The following ZNF75A variants were observed in gnomAD, a reference collection of about 807,000 sequenced individuals.
The protein encoded by ZNF75A is zinc finger protein 75A.
Under a neutral mutation model 46.3 loss-of-function variants are expected in ZNF75A, and 36 were observed. That is an observed-to-expected ratio of 0.78 (90% CI 0.60 to 1.03). The LOEUF (loss-of-function observed/expected upper bound fraction) is 1.03. Ranked by LOEUF, ZNF75A falls within the 50% of genes least tolerant of loss-of-function variation. The pLI is 0.00. For synonymous variants in ZNF75A, 234 were observed against 189.9 expected (o/e 1.23, Z -1.91); for missense variants, 595 against 551.3 (o/e 1.08, Z -0.79).
intron 2 of ZNF75A, chr16:3,310,850 G>A (rs991463712): frequency 2.0e-6 from 2 of 985,344 alleles, no homozygotes; most frequent in Admixed American, 1.2e-4. Context: ...TGGGAGCCAG[G>A]GTATGAACTT....
intron 1 of ZNF75A, chr16:3,306,376 C>T (rs1960239807): frequency 6.6e-6 from 1 of 152,070 alleles, no homozygotes; most frequent in Non-Finnish European, 1.5e-5. Context: ...ATTTTGTAAA[C>T]AGAGGTCAGC....
intron 5 of ZNF75A, chr16:3,314,984 C>T: frequency 1.0e-6 from 1 of 985,338 alleles, no homozygotes; most frequent in South Asian, 4.7e-5. Context: ...TGATTCTCAA[C>T]TAGATAGTGT....
At position 3,317,448 on chromosome 16, in the gene ZNF75A, G is replaced by A; in HGVS notation, c.1193G>A (p.Arg398Lys). The A allele has an allele frequency of 6.2e-7, 1 of 1,614,158 alleles. No individual in the cohort carries two copies. Among genetic ancestry groups the A allele is most frequent in the Non-Finnish European group, 8.5e-7 (1 of 1,180,022 alleles). Residue 398 changes from arginine to lysine, a missense_variant, in exon 7 of 7, where the codon AGA becomes AAA. Transcript: ENST00000669516. ...GATCGTCACAAGAAAGATTGTGCAAGAGAGAAGCCTTTTAAATGTCAGGAA... is the reference window on the plus strand; with the variant it reads ...GATCGTCACAAGAAAGATTGTGCAAAAGAGAAGCCTTTTAAATGTCAGGAA... ...LMDRHKKDCA[R>K]EKPFKCQECG...
intron 4 of ZNF75A, 50 bp downstream of exon 4, chr16:3,312,818 G>C (rs1009550584): frequency 3.4e-6 from 4 of 1,182,270 alleles, no homozygotes; most frequent in Admixed American, 3.9e-5. Flanking sequence ...TGCTATGTAT[G>C]ATTAATACTG....
intron 3 of ZNF75A, 57 bp from the exon 4 acceptor site, chr16:3,312,620 T>G: frequency 2.5e-6 from 2 of 811,284 alleles, no homozygotes; most frequent in Non-Finnish European, 3.0e-6. Context: ...GTTTTAGAAA[T>G]GAGCTCAGGA....
At position 3,317,488 on chromosome 16, in the gene ZNF75A, C is replaced by T. The variant is rs1194389085; in HGVS notation, c.1233C>T (p.Phe411=). 6.2e-7 allele frequency: 1 copy of T among 1,613,864 alleles called. No homozygotes were observed. Among genetic ancestry groups the T allele is most frequent in the Non-Finnish European group, 8.5e-7 (1 of 1,179,980 alleles). Residue 411 remains phenylalanine, a synonymous_variant, in exon 7 of 7, where the codon TTC becomes TTT. Coordinates refer to ENST00000669516, the MANE Select transcript of ZNF75A (RefSeq NM_001302109.2). ...PFKCQECGKT[F]RVSSDLIKHQ... ...AATGTCAGGAATGTGGGAAAACCTT[C>T]AGAGTTAGCTCTGACCTTATTAAGC...
intron 5 of ZNF75A, chr16:3,315,084 C>A: frequency 1.0e-6 from 1 of 984,862 alleles, no homozygotes; most frequent in East Asian, 1.1e-4. Context: ...AGATCTTGAT[C>A]CCTTCCCTTT....
chr16:3,320,182 A>T (rs899951364), downstream of ZNF75A, among the ~76,000 whole-genome samples: 5 of 152,016 alleles, frequency 3.3e-5, no homozygotes, highest in Non-Finnish European at 7.4e-5. Flanking sequence ...AGTTGCTGGG[A>T]CTACAGGTAC....
chr16:3,310,598 C>A, intron 2 of ZNF75A: 1 of 882,526 alleles, frequency 1.1e-6, no homozygotes, highest in Non-Finnish European at 1.4e-6. Context: ...TGTACCCCAG[C>A]CTGGGTGACA....
At chr16:3,319,787 T>A (rs1041378356), downstream of ZNF75A, among the ~76,000 whole-genome samples, 2 of 128,774 alleles carry the variant, frequency 1.6e-5, no homozygotes, top group Admixed American at 1.6e-4. Context: ...CTTTTCATTT[T>A]TTTTTTTTTA....
chr16:3,314,595 T>G (rs1398460306), intron 5 of ZNF75A, among the ~76,000 whole-genome samples: 2 of 152,216 alleles, frequency 1.3e-5, no homozygotes, highest in African/African-American at 4.8e-5. Context: ...GCTCCTTTTC[T>G]TCTGCCTTCG....
chr16:3,313,328 C>G (rs1295342354), intron 5 of ZNF75A, among the ~76,000 whole-genome samples, 153 bp downstream of exon 5: 1 of 152,160 alleles, frequency 6.6e-6, no homozygotes, highest in African/African-American at 2.4e-5. Flanking sequence ...TCCAGATCAC[C>G]TGTGGAGCTT....
downstream of ZNF75A, chr16:3,323,430 G>A (rs1366322069): frequency 7.9e-6 from 6 of 756,818 alleles, no homozygotes; most frequent in Admixed American, 1.0e-4. Flanking sequence ...TCTGTCAGAG[G>A]GATGGTGTTC....
intron 1 of ZNF75A, chr16:3,307,750 G>GA (rs1389865363): frequency 2.0e-5 from 3 of 150,252 alleles, no homozygotes; most frequent in East Asian, 3.9e-4. Context: ...AGGCTGGTCT[G>GA]AAACTCCTGG....
intron 5 of ZNF75A, among the ~76,000 whole-genome samples, chr16:3,314,355 A>G (rs191694165): frequency 1.3e-5 from 2 of 152,306 alleles, no homozygotes; most frequent in Admixed American, 6.5e-5. Context: ...ACAAACACCA[A>G]AGACTGGACA....
intron 1 of ZNF75A, chr16:3,305,878 C>A (rs1037734883): frequency 6.6e-6 from 1 of 152,252 alleles, no homozygotes; most frequent in Non-Finnish European, 1.5e-5. Flanking sequence ...TTGCCCAGTG[C>A]CCACGGGCAC....
chr16:3,323,446 G>C, downstream of ZNF75A: 1 of 744,078 alleles, frequency 1.3e-6, no homozygotes, highest in Non-Finnish European at 2.4e-6. Flanking sequence ...TGTTCTTATT[G>C]ACCTTGGCTT....
At chr16:3,314,669 C>G in intron 5 of ZNF75A, 1 of 985,344 alleles carries the variant, frequency 1.0e-6, no homozygotes, top group Non-Finnish European at 1.2e-6. Context: ...TAGCACCTGG[C>G]CTACCATGCA....
chr16:3,322,033 C>A (rs1287638486), downstream of ZNF75A, among the ~76,000 whole-genome samples: 1 of 152,156 alleles, frequency 6.6e-6, no homozygotes, highest in Non-Finnish European at 1.5e-5. Context: ...TTCCTGGTCA[C>A]TCCTCCCTGT....
Sources: gnomAD v4.1 joint callset for allele counts (sites outside exome capture counted in the v4.1 genomes callset) on GRCh38, gnomAD v4.1.1 for gene constraint, MANE v1.5 for transcripts, NCBI Gene and HGNC (gene_info 2026-07-23, HGNC 2026-07-21) for gene names.